DLGAP1: variants seen among roughly 807,000 people sequenced by gnomAD.
DLGAP1 encodes disks large-associated protein 1.
A neutral mutation model predicts 90.8 loss-of-function variants in DLGAP1; 11 were observed. The observed-to-expected ratio is 0.12, with a 90% CI of 0.08 to 0.20. The LOEUF (loss-of-function observed/expected upper bound fraction) is 0.20, where lower values mean the gene tolerates loss of function less well. Ranked by LOEUF, DLGAP1 falls within the 10% of genes least tolerant of loss-of-function variation. The pLI is 1.00. For missense variants in DLGAP1, 1,050 were observed against 1,333.8 expected (o/e 0.79, Z 3.31); for synonymous variants, 558 against 540.7 (o/e 1.03, Z -0.44).
At chr18:3,882,295 G>C (rs747348715) in intron 3 of DLGAP1, among the ~76,000 whole-genome samples, 84 of 152,122 alleles carry the variant, frequency 5.5e-4, no homozygotes, top group Non-Finnish European at 6.8e-4. Flanking sequence ...CCAGCACTTT[G>C]GGAGGCCAAG....
rs572025040 is a variant in DLGAP1, at chr18:3,922,061, G to A, written c.-72-41921C>T. 1.6e-3 allele frequency among the ~76,000 whole-genome samples: 236 copies of A among 152,204 alleles called. 1 individual carries two copies. The highest frequency in any genetic ancestry group is 5.6e-3 in the African/African-American group (232 of 41,526). On this transcript the variant is annotated intron_variant, in intron 3 of 12. Transcript: ENST00000315677. ...GGGCTCCTGCAGGAGACAGGGAATTGGGAAGGCAGCAGGTTAAAATGAGGC... is the reference window on the plus strand; with the variant it reads ...GGGCTCCTGCAGGAGACAGGGAATTAGGAAGGCAGCAGGTTAAAATGAGGC...
chr18:3,531,430 T>C (rs955287565), intron 10 of DLGAP1, among the ~76,000 whole-genome samples: 12 of 151,856 alleles, frequency 7.9e-5, no homozygotes, highest in African/African-American at 2.9e-4. Context: ...AGAGCAAGAC[T>C]CTGTCTTTTA....
At chr18:3,546,976 T>TAA (rs55943266) in intron 9 of DLGAP1, among the ~76,000 whole-genome samples, 2 of 149,902 alleles carry the variant, frequency 1.3e-5, no homozygotes, top group African/African-American at 5.0e-5. Flanking sequence ...AGCAGACAGA[T>TAA]AAAAAAAAAA....
chr18:4,359,364 C>T (rs1469775673), intron 1 of DLGAP1, among the ~76,000 whole-genome samples: 4 of 152,122 alleles, frequency 2.6e-5, no homozygotes, highest in African/African-American at 7.2e-5. Context: ...AGGAAAGGAA[C>T]GTCTTTATCG....
At chr18:3,920,550 C>T (rs531528207) in intron 3 of DLGAP1, among the ~76,000 whole-genome samples, 1 of 152,100 alleles carries the variant, frequency 6.6e-6, no homozygotes. Context: ...TCTATCTTCA[C>T]ATTTCTCACC....
At chr18:4,135,814 G>T (rs1041182599) in intron 2 of DLGAP1, among the ~76,000 whole-genome samples, 4 of 122,510 alleles carry the variant, frequency 3.3e-5, no homozygotes, top group Non-Finnish European at 1.6e-5. Flanking sequence ...TTTTACGGCT[G>T]AATAGTATTC....
chr18:3,720,319 T>C (rs2061926597), intron 7 of DLGAP1, among the ~76,000 whole-genome samples: 1 of 152,240 alleles, frequency 6.6e-6, no homozygotes, highest in Admixed American at 6.5e-5. Context: ...GGAAATTGCA[T>C]GTCAGTAGGA....
At chr18:4,180,158 C>T (rs2077182088) in intron 1 of DLGAP1, among the ~76,000 whole-genome samples, 1 of 152,172 alleles carries the variant, frequency 6.6e-6, no homozygotes, top group Non-Finnish European at 1.5e-5. Flanking sequence ...TAATACGACT[C>T]TCTCCCTTTG....
chr18:3,720,947 C>A (rs978770849), intron 7 of DLGAP1, among the ~76,000 whole-genome samples: 4 of 142,416 alleles, frequency 2.8e-5, no homozygotes, highest in Non-Finnish European at 4.5e-5. Context: ...ATACTGGGGG[C>A]TGAGTTGAGA....
intron 2 of DLGAP1, among the ~76,000 whole-genome samples, chr18:4,031,614 T>A (rs2074797767): frequency 6.6e-6 from 1 of 152,160 alleles, no homozygotes; most frequent in Non-Finnish European, 1.5e-5. Flanking sequence ...GGCTGGGTAG[T>A]TTAAAGAGTA....
chr18:4,011,294 G>C lies in DLGAP1; in HGVS notation c.-158-6093C>G, dbSNP rs377423683. On this transcript the variant is annotated intron_variant, in intron 2 of 12. Transcript: ENST00000315677. ...TAAGTGCCACCGGAAGGGAGAGGGCGTGGGAGAGAAAAGGCTCAAGGGGGG... is the reference window on the plus strand; with the variant it reads ...TAAGTGCCACCGGAAGGGAGAGGGCCTGGGAGAGAAAAGGCTCAAGGGGGG... Among the ~76,000 whole-genome samples, 28 of 152,242 alleles carry C rather than the reference G, an allele frequency of 1.8e-4. No individual in the cohort carries two copies. The East Asian group carries it at 5.2e-3, about 28-fold the overall frequency.
chr18:4,146,795 G>T (rs1163852770), intron 2 of DLGAP1, among the ~76,000 whole-genome samples: 4 of 151,894 alleles, frequency 2.6e-5, no homozygotes, highest in Admixed American at 2.6e-4. Context: ...ATGATTACAG[G>T]CTTTTTCATG....
At chr18:3,542,496 G>A (rs567135893) in intron 9 of DLGAP1, among the ~76,000 whole-genome samples, 9 of 152,316 alleles carry the variant, frequency 5.9e-5, no homozygotes, top group African/African-American at 1.9e-4. Flanking sequence ...ATTCCACTTG[G>A]ATGATCTCTA....
chr18:4,040,273 A>G (rs1015917844), intron 2 of DLGAP1, among the ~76,000 whole-genome samples: 4 of 152,226 alleles, frequency 2.6e-5, no homozygotes, highest in African/African-American at 9.6e-5. Flanking sequence ...TGAGGATTAA[A>G]TAAGTTAATA....
At chr18:3,760,070 G>A (rs1233962905) in intron 5 of DLGAP1, among the ~76,000 whole-genome samples, 1 of 152,232 alleles carries the variant, frequency 6.6e-6, no homozygotes, top group Non-Finnish European at 1.5e-5. Context: ...CCCGAGGGCA[G>A]TGACCACAGC....
At chr18:3,665,139 A>G (rs990122783) in intron 7 of DLGAP1, among the ~76,000 whole-genome samples, 2 of 152,210 alleles carry the variant, frequency 1.3e-5, no homozygotes, top group Non-Finnish European at 1.5e-5. Flanking sequence ...GTTCACATTT[A>G]TGTCTTTAGT....
At chr18:3,980,676 G>A (rs949871498) in intron 3 of DLGAP1, among the ~76,000 whole-genome samples, 2 of 152,050 alleles carry the variant, frequency 1.3e-5, no homozygotes, top group South Asian at 2.1e-4. Context: ...CTAGGGTCCC[G>A]ATAGTTTGTC....
chr18:3,602,239 T>A (rs1360527810), intron 7 of DLGAP1, among the ~76,000 whole-genome samples: 1 of 152,060 alleles, frequency 6.6e-6, no homozygotes, highest in Non-Finnish European at 1.5e-5. Flanking sequence ...CATGCTTTTA[T>A]ACCACATTTC....
intron 1 of DLGAP1, among the ~76,000 whole-genome samples, chr18:4,448,185 C>T (rs1056167476): frequency 6.6e-6 from 1 of 152,186 alleles, no homozygotes; most frequent in Non-Finnish European, 1.5e-5. Context: ...TGATCTCATT[C>T]TCTGTTGAGC....
Sources: gnomAD v4.1 joint callset for allele counts (sites outside exome capture counted in the v4.1 genomes callset) on GRCh38, gnomAD v4.1.1 for gene constraint, MANE v1.5 for transcripts, NCBI Gene and HGNC (gene_info 2026-07-23, HGNC 2026-07-21) for gene names.